HMGA2: variants seen among roughly 807,000 people sequenced by gnomAD.
HMGA2 encodes the protein high mobility group protein HMGI-C.
A neutral mutation model predicts 19.1 loss-of-function variants in HMGA2; 8 were observed. The ratio of observed to expected loss-of-function variants is 0.42; its 90% CI spans 0.25 to 0.76. The LOEUF is 0.76. HMGA2 is among the 30% of genes least tolerant of loss of function. The pLI, the probability that HMGA2 is intolerant of heterozygous loss-of-function variation, is 0.28. For missense variants in HMGA2, 109 were observed against 136.3 expected (o/e 0.80, Z 1.00); for synonymous variants, 60 against 48.8 (o/e 1.23, Z -0.96).
rs192270932 is a variant in HMGA2, at chr12:65,884,672, T to C, written c.249+46103T>C. Among the ~76,000 whole-genome samples, 850 of 152,354 alleles carry C rather than the reference T, an allele frequency of 5.6e-3. 4 individuals are homozygous for C. Among genetic ancestry groups the C allele is most frequent in the Admixed American group, 0.011 (170 of 15,312 alleles). On this transcript the variant is annotated intron_variant, in intron 3 of 4. Transcript: ENST00000403681. ...TTCTCTATTAAGATTTTTCATATCC[T>C]AATGGAATTATGCTTCTAAATTCTC...
intron 2 of HMGA2, among the ~76,000 whole-genome samples, chr12:65,835,554 T>C (rs1439150232): frequency 6.6e-6 from 1 of 152,194 alleles, no homozygotes; most frequent in East Asian, 1.9e-4. Flanking sequence ...AATCGTGATA[T>C]TTTGCCCTTT....
intron 3 of HMGA2, chr12:65,915,356 T>A: frequency 2.2e-6 from 3 of 1,341,336 alleles, no homozygotes; most frequent in Admixed American, 3.0e-5. Flanking sequence ...TTGTACGAAT[T>A]TGAAAAAAGT....
chr12:65,920,125 AT>A (rs1158177581), intron 3 of HMGA2, among the ~76,000 whole-genome samples: 2 of 152,184 alleles, frequency 1.3e-5, no homozygotes, highest in African/African-American at 4.8e-5. Flanking sequence ...AAACAAAACC[AT>A]TTTTTAGTGG....
rs374555231 is a variant in HMGA2 at position 65,838,406 on chromosome 12, A to G, written c.199-113A>G. On this transcript the variant is annotated intron_variant, in intron 2 of 4. Coordinates refer to ENST00000403681, the MANE Select transcript of HMGA2 (RefSeq NM_003483.6). ...TGTTAAAAAAAACAAAAAAAAAAAA[A>G]CCGATACGTCATCTGCAAAGCAGAA... The G allele has an allele frequency of 5.3e-6, 4 of 757,582 alleles. No individual in the cohort carries two copies. In the Admixed American group the frequency reaches 8.3e-5, roughly 16 times the overall value. The allele number at this position is 757,582 out of a possible 1,614,324, so 46.9% of individuals were successfully genotyped here. A position where few individuals can be genotyped will look rare whatever the true frequency, so the allele number is the denominator to read the frequency against.
Position 65,824,717 on chromosome 12 carries a change from C to CTCTCTCTCTCTCTCTCTCTG in HMGA2, c.-535_-534insGTCTCTCTCTCTCTCTCTCT, listed in dbSNP as rs1565697421. 3.5e-4 allele frequency: 17 copies of CTCTCTCTCTCTCTCTCTCTG among 47,924 alleles called. No individual in the cohort carries two copies. Among genetic ancestry groups the CTCTCTCTCTCTCTCTCTCTG allele is most frequent in the Admixed American group, 1.0e-3 (4 of 3,962 alleles). The allele number at this position is 47,924 out of a possible 1,614,324, so 3.0% of individuals were successfully genotyped here. On this transcript the variant is annotated 5_prime_UTR_variant, in exon 1 of 5. Transcript: ENST00000403681. ...GGCACTTTCAATCTCAATCTCTTCTCTCTCTCTCTCTCTCTCTCTCTCTCT... is the reference window on the plus strand; with the variant it reads ...GGCACTTTCAATCTCAATCTCTTCTCTCTCTCTCTCTCTCTCTCTGTCTCTCTCTCTCTCTCTCTCTCTCT...
chr12:65,917,933 T>C (rs979215859), intron 3 of HMGA2, among the ~76,000 whole-genome samples: 2 of 152,214 alleles, frequency 1.3e-5, no homozygotes, highest in Non-Finnish European at 2.9e-5. Context: ...AAAGCAGGTT[T>C]TCAGTAATTT....
chr12:65,876,586 C>T (rs1873043084), intron 3 of HMGA2, among the ~76,000 whole-genome samples: 1 of 152,206 alleles, frequency 6.6e-6, no homozygotes, highest in South Asian at 2.1e-4. Flanking sequence ...CTCCATTTCT[C>T]TTTATATCAT....
chr12:65,860,425 A>T (rs922815349), intron 3 of HMGA2, among the ~76,000 whole-genome samples: 1 of 152,242 alleles, frequency 6.6e-6, no homozygotes, highest in African/African-American at 2.4e-5. Flanking sequence ...AAAAAATTCC[A>T]GTCAGGCCAT....
At chr12:65,924,840 T>C (rs1214490251) in intron 3 of HMGA2, among the ~76,000 whole-genome samples, 1 of 152,188 alleles carries the variant, frequency 6.6e-6, no homozygotes, top group Admixed American at 6.6e-5. Flanking sequence ...GGCAACTTCC[T>C]GAGGCCTTCC....
At position 65,828,183 on chromosome 12, in the gene HMGA2, T is replaced by C. The variant is rs964491516; in HGVS notation, c.198+96T>C. On this transcript the variant is annotated intron_variant, in intron 2 of 4. Transcript: ENST00000403681. ...CCATTCTAACTCCGCAGCCAGGAAT[T>C]TGTCCCAACTGGGTAACACAAGACT... is the stretch of plus-strand genomic sequence containing the variant. The C allele has an allele frequency of 1.9e-5, 17 of 883,742 alleles. No homozygotes were observed. The African/African-American group carries it at 2.3e-4, about 12-fold the overall frequency. 54.7% of individuals were successfully genotyped at this position (883,742 alleles called of 1,614,324 possible). A position where few individuals can be genotyped will look rare whatever the true frequency, so the allele number is the denominator to read the frequency against.
intron 3 of HMGA2, among the ~76,000 whole-genome samples, chr12:65,888,732 T>A (rs1873777429): frequency 2.6e-5 from 4 of 151,130 alleles, no homozygotes; most frequent in Admixed American, 2.6e-4. Flanking sequence ...CCCGGCTAAC[T>A]TTTTGTATTT....
At chr12:65,833,284 T>C (rs1035464706) in intron 2 of HMGA2, among the ~76,000 whole-genome samples, 29 of 152,280 alleles carry the variant, frequency 1.9e-4, no homozygotes, top group African/African-American at 7.0e-4. Context: ...TGATTTATAC[T>C]GTTTATATTT....
intron 3 of HMGA2, among the ~76,000 whole-genome samples, chr12:65,907,589 A>C (rs1330683261): frequency 1.3e-5 from 2 of 152,242 alleles, no homozygotes; most frequent in South Asian, 4.1e-4. Context: ...TAGGAGGCCT[A>C]TTCTTTGGGG....
chr12:65,914,876 T>C (rs139459932), intron 3 of HMGA2: 14,235 of 641,148 alleles, frequency 0.022, 247 homozygotes, highest in Non-Finnish European at 0.031. Context: ...GGTTTCACCA[T>C]GTTGGCCAGG....
At position 65,825,165 on chromosome 12, in the gene HMGA2, G is replaced by C; in HGVS notation, c.-106G>C. 1 of 975,086 alleles carries C rather than the reference G, an allele frequency of 1.0e-6. No individual in the cohort carries two copies. The highest frequency in any genetic ancestry group is 1.8e-5 in the South Asian group (1 of 57,000). The allele number at this position is 975,086 out of a possible 1,614,324, so 60.4% of individuals were successfully genotyped here. On this transcript the variant is annotated 5_prime_UTR_variant, in exon 1 of 5. Coordinates refer to ENST00000403681, the MANE Select transcript of HMGA2 (RefSeq NM_003483.6). The surrounding 1 kb of genome is among the most constrained non-coding windows in gnomAD (Gnocchi z 4.4). The stretch of plus-strand genomic sequence containing the variant: ...CAGCCCGCCAGCTCGCGCTCGCCCC[G>C]CCGGCGTCCCCAGCCCTATCACCTC...
intron 3 of HMGA2, among the ~76,000 whole-genome samples, chr12:65,931,395 C>A (rs527927251): frequency 3.3e-5 from 5 of 152,000 alleles, no homozygotes; most frequent in East Asian, 3.9e-4. Flanking sequence ...CCTTCTTTAC[C>A]CCCTCCCGAA....
chr12:65,965,360 C>T lies in HMGA2; in HGVS notation c.*2068C>T, dbSNP rs1876878121. ...TGTAGAGTTTTTATGCCTTTCTCTCCTAGTGAGTGTGCTGACTTTTTAACA... is the reference window on the plus strand; with the variant it reads ...TGTAGAGTTTTTATGCCTTTCTCTCTTAGTGAGTGTGCTGACTTTTTAACA... On this transcript the variant is annotated 3_prime_UTR_variant, in exon 5 of 5. Coordinates refer to ENST00000403681, the MANE Select transcript of HMGA2 (RefSeq NM_003483.6). The T allele has an allele frequency of 4.9e-6, 1 of 205,140 alleles. No homozygotes were observed. Among genetic ancestry groups the T allele is most frequent in the African/African-American group, 2.3e-5 (1 of 43,778 alleles). 12.7% of individuals were successfully genotyped at this position (205,140 alleles called of 1,614,324 possible).
intron 4 of HMGA2, chr12:65,952,642 T>C (rs949090757): frequency 1.8e-6 from 1 of 542,540 alleles, no homozygotes; most frequent in African/African-American, 1.9e-5. Context: ...AATATATACA[T>C]ATAAACAAAA....
At chr12:65,952,228 T>G in intron 4 of HMGA2, 1 of 663,270 alleles carries the variant, frequency 1.5e-6, no homozygotes, top group Admixed American at 2.5e-5. Flanking sequence ...CTGAACCTGC[T>G]AAAATAAGTA....
Sources: gnomAD v4.1 joint callset for allele counts (sites outside exome capture counted in the v4.1 genomes callset) on GRCh38, gnomAD v4.1.1 for gene constraint, Gnocchi (gnomAD v3.1) non-coding constraint, MANE v1.5 for transcripts, NCBI Gene and HGNC (gene_info 2026-07-23, HGNC 2026-07-21) for gene names.